TNC: variants seen among roughly 807,000 people sequenced by gnomAD.
TNC encodes the protein tenascin.
A neutral mutation model predicts 202.4 loss-of-function variants in TNC; 109 were observed. That is an observed-to-expected ratio of 0.54 (90% CI 0.46 to 0.63). The LOEUF is 0.63. TNC is among the 30% of genes least tolerant of loss of function. The pLI is 0.00. For missense variants in TNC, 2,756 were observed against 2,833.3 expected (o/e 0.97, Z 0.62); for synonymous variants, 1,007 against 1,089.7 (o/e 0.92, Z 1.50).
chr9:115,036,113 C>T lies in TNC; in HGVS notation c.5641G>A (p.Ala1881Thr), dbSNP rs931500609. The change falls in exon 21 of 28, where the codon GCC becomes ACC. Residue 1881 changes from alanine (A) to threonine (T), a missense_variant. Around this residue, in one of 2 missense-constraint regions of TNC, gnomAD observed 2,559 missense variants for 2,546.0 expected, o/e 1.01. Coordinates refer to ENST00000350763, the MANE Select transcript of TNC (RefSeq NM_002160.4). ...GTCTTTGTACCTGTTGTGAACTTGGCAGTGATGGTTGAGCTCTTCTGGGGC... is the reference window on the plus strand; with the variant it reads ...GTCTTTGTACCTGTTGTGAACTTGGTAGTGATGGTTGAGCTCTTCTGGGGC... ...KGPQKSSTIT[A>T]KFTTDLDSPR... 1 of 1,614,044 alleles carries T rather than the reference C, an allele frequency of 6.2e-7. No homozygotes were observed. The highest frequency in any genetic ancestry group is 1.3e-5 in the African/African-American group (1 of 74,936).
At chr9:115,049,646 T>C (rs1206566154) in intron 15 of TNC, among the ~76,000 whole-genome samples, 1 of 144,730 alleles carries the variant, frequency 6.9e-6, no homozygotes, top group Non-Finnish European at 1.5e-5. Flanking sequence ...TTCTTTTTTC[T>C]TTTTTTTTTT....
At chr9:115,056,993 CT>C (rs1196169406) in intron 15 of TNC, among the ~76,000 whole-genome samples, 159 bp downstream of exon 15, 1 of 152,168 alleles carries the variant, frequency 6.6e-6, no homozygotes, top group East Asian at 1.9e-4. Context: ...ATTTGGGCTG[CT>C]GTTGGAAAAG....
At chr9:115,047,226 G>C (rs907032800) in intron 16 of TNC, among the ~76,000 whole-genome samples, 1 of 145,100 alleles carries the variant, frequency 6.9e-6, no homozygotes, top group Non-Finnish European at 1.5e-5. Context: ...ACTAAAGAAG[G>C]CTCCTACCCT....
chr9:115,084,577 G>T, intron 3 of TNC, 105 bp from the exon 4 acceptor site: 1 of 1,368,618 alleles, frequency 7.3e-7, no homozygotes. Context: ...GAGGTCTGAA[G>T]ATCTTCTGTT....
intron 3 of TNC, 22 bp from the exon 4 acceptor site, chr9:115,084,494 A>G (rs1232002064): frequency 3.1e-6 from 5 of 1,610,868 alleles, no homozygotes; most frequent in Non-Finnish European, 4.2e-6. Context: ...AAGAAAGGAC[A>G]TCTGGTGTCA....
intron 25 of TNC, among the ~76,000 whole-genome samples, chr9:115,028,924 GAAAAAAAAAAA>G (rs57737243): frequency 0.04 from 2,492 of 63,060 alleles, no homozygotes; most frequent in Non-Finnish European, 0.046. Flanking sequence ...CATTATCTCT[GAAAAAAAAAAA>G]AAAAAAAAAA....
At chr9:115,062,813 G>T in intron 13 of TNC, 104 bp downstream of exon 13, 1 of 1,334,524 alleles carries the variant, frequency 7.5e-7, no homozygotes, top group Non-Finnish European at 1.0e-6. Flanking sequence ...CACGCTGTCT[G>T]TCAACAACAT....
In TNC at chr9:115,088,582, C is replaced by G. The variant is rs558651276; in HGVS notation, c.458-1309G>C. Among the ~76,000 whole-genome samples the G allele has an allele frequency of 2.2e-4, 34 of 152,198 alleles. No homozygotes were observed. The South Asian group carries it at 7.1e-3, about 32-fold the overall frequency. ...CTCCATGGAGCTTAAGGAGAAGAAACAAAACCCAGTTCTATATTCTCTGCA... is the reference window on the plus strand; with the variant it reads ...CTCCATGGAGCTTAAGGAGAAGAAAGAAAACCCAGTTCTATATTCTCTGCA... On this transcript the variant is annotated intron_variant, in intron 2 of 27. Transcript: ENST00000350763.
At chr9:115,082,931 T>C in intron 4 of TNC, 124 bp from the exon 5 acceptor site, 1 of 655,416 alleles carries the variant, frequency 1.5e-6, no homozygotes, top group Admixed American at 2.7e-5. Context: ...CCAGAGCAGG[T>C]GTCCTTTTAA....
chr9:115,051,588 A>G (rs1888222), intron 15 of TNC, among the ~76,000 whole-genome samples: 90,458 of 146,888 alleles, frequency 0.62, 28,305 homozygotes, highest in African/African-American at 0.7. Context: ...TTTTTAATCA[A>G]AAGAAAAAAA....
rs528067327 is a variant in TNC, at chr9:115,109,330, C to G, written c.-137+8652G>C. On this transcript the variant is annotated intron_variant, in intron 1 of 27. Transcript: ENST00000350763. ...TTTAATCATCACAATAAACTTTAAA[C>G]TAGGTGCTACTACTTTGCTTTTAAT... Among the ~76,000 whole-genome samples, 5 of 152,320 alleles carry G rather than the reference C, an allele frequency of 3.3e-5. No homozygotes were observed. In the South Asian group the frequency reaches 1.0e-3, roughly 32 times the overall value.
chr9:115,086,458 A>T lies in TNC; in HGVS notation c.1273T>A (p.Cys425Ser). 1.2e-6 allele frequency: 2 copies of T among 1,613,922 alleles called. No individual in the cohort carries two copies. The highest frequency in any genetic ancestry group is 1.7e-6 in the Non-Finnish European group (2 of 1,180,006). The change falls in exon 3 of 28, where the codon TGT becomes AGT. Residue 425 changes from cysteine (C) to serine (S), a missense_variant. Physicochemically the swap from Cys to Ser is moderately radical, Grantham distance 112. Around this residue, in one of 2 missense-constraint regions of TNC, gnomAD observed 2,559 missense variants for 2,546.0 expected, o/e 1.01. Coordinates refer to ENST00000350763, the MANE Select transcript of TNC (RefSeq NM_002160.4). The part of the protein sequence containing the change: ...HGRCVNGQCV[C>S]DEGYTGEDCS... ...TCCTCCCCAGTATAGCCCTCATCAC[A>T]CACACACTGCCCATTGACACAGCGG...
intron 23 of TNC, among the ~76,000 whole-genome samples, chr9:115,031,106 T>G (rs919284798): frequency 6.6e-6 from 1 of 152,218 alleles, no homozygotes; most frequent in Non-Finnish European, 1.5e-5. Context: ...AACACTGGCA[T>G]GATGAAGGAG....
At position 115,076,837 on chromosome 9, in the gene TNC, A is replaced by G. The variant is rs185185855; in HGVS notation, c.2675-262T>C. Among the ~76,000 whole-genome samples, 5 of 152,378 alleles carry G rather than the reference A, an allele frequency of 3.3e-5. No homozygotes were observed. The East Asian group carries it at 9.6e-4, about 29-fold the overall frequency. ...TTGTGGTTAAAGAAACAATGCAAAGACTTAAAAATAAGCTCATGAGTGTAA... is the reference window on the plus strand; with the variant it reads ...TTGTGGTTAAAGAAACAATGCAAAGGCTTAAAAATAAGCTCATGAGTGTAA... On this transcript the variant is annotated intron_variant, in intron 7 of 27. Coordinates refer to ENST00000350763, the MANE Select transcript of TNC (RefSeq NM_002160.4).
At position 115,078,062 on chromosome 9, in the gene TNC, G is replaced by C; in HGVS notation, c.2555C>G (p.Thr852Arg). The C allele has an allele frequency of 6.2e-7, 1 of 1,614,236 alleles. No homozygotes were observed. Among genetic ancestry groups the C allele is most frequent in the Non-Finnish European group, 8.5e-7 (1 of 1,180,040 alleles). Residue 852 changes from threonine to arginine, a missense_variant, in exon 7 of 28, where the codon ACA becomes AGA. Thr to Arg is a moderately conservative substitution (Grantham distance 71). This residue lies in a region of TNC where 2,559 missense variants were observed against 2,546.0 expected (regional missense o/e 1.01). Coordinates refer to ENST00000350763, the MANE Select transcript of TNC (RefSeq NM_002160.4). ...GATGGAGTACTGGTTCTCGTCCTCT[G>C]TGAGATCGATGGTGGTACGGTCTCC... ...VPGDRTTIDL[T>R]EDENQYSIGN...
At chr9:115,023,750 A>G (rs1237907115) in intron 27 of TNC, among the ~76,000 whole-genome samples, 1 of 152,172 alleles carries the variant, frequency 6.6e-6, no homozygotes, top group Non-Finnish European at 1.5e-5. Context: ...CCATTTGACC[A>G]GTGTTTGTCC....
Position 115,086,013 on chromosome 9 carries a change from C to A in TNC, c.1718G>T (p.Cys573Phe). ...GTGGCAGATGCACTGGCCGTCCACG[C>A]AGCGGCCCTGGCCATGACAGTCACT... ...CPSDCHGQGR[C>F]VDGQCICHEG... The change falls in exon 3 of 28, where the codon TGC becomes TTC. Residue 573 changes from cysteine (C) to phenylalanine (F), a missense_variant. Around this residue, in one of 2 missense-constraint regions of TNC, gnomAD observed 2,559 missense variants for 2,546.0 expected, o/e 1.01. Transcript: ENST00000350763. The A allele has an allele frequency of 6.2e-7, 1 of 1,614,018 alleles. No individual in the cohort carries two copies. Among genetic ancestry groups the A allele is most frequent in the Non-Finnish European group, 8.5e-7 (1 of 1,179,954 alleles).
chr9:115,035,968 G>T, intron 21 of TNC, 130 bp downstream of exon 21: 1 of 1,065,446 alleles, frequency 9.4e-7, no homozygotes, highest in Non-Finnish European at 1.4e-6. Flanking sequence ...GAATTTAAGT[G>T]ATGCTGATGT....
At chr9:115,021,672 G>A (rs937951320) in intron 27 of TNC, among the ~76,000 whole-genome samples, 1 of 152,076 alleles carries the variant, frequency 6.6e-6, no homozygotes, top group African/African-American at 2.4e-5. Context: ...TGTAATTCAC[G>A]AGATTCCTAT....
Sources: gnomAD v4.1 joint callset for allele counts (sites outside exome capture counted in the v4.1 genomes callset) on GRCh38, gnomAD v4.1.1 for gene constraint, gnomAD v4.1.1 regional missense constraint, MANE v1.5 for transcripts, NCBI Gene and HGNC (gene_info 2026-07-23, HGNC 2026-07-21) for gene names.